Variants in PDE1A observed in about 807,000 individuals in gnomAD.
PDE1A encodes phosphodiesterase 1A.
Under a neutral mutation model 61.7 loss-of-function variants are expected in PDE1A, and 35 were observed. The ratio of observed to expected loss-of-function variants is 0.57; its 90% CI spans 0.43 to 0.75. The LOEUF (loss-of-function observed/expected upper bound fraction) is 0.75, where lower values mean the gene tolerates loss of function less well. PDE1A is among the 30% of genes least tolerant of loss of function. The pLI is 0.00. For synonymous variants in PDE1A, 232 were observed against 213.2 expected (o/e 1.09, Z -0.77); for missense variants, 597 against 630.6 (o/e 0.95, Z 0.57).
At chr2:182,582,063 A>G in the PDE1A span, among the ~76,000 whole-genome samples, 1 of 152,230 alleles carries the variant, frequency 6.6e-6, no homozygotes, top group Non-Finnish European at 1.5e-5. Context: ...TTAGCTTAAT[A>G]TTAAAAATAA....
intron 2 of PDE1A, among the ~76,000 whole-genome samples, chr2:182,516,712 GGA>G (rs1559534034): frequency 0.014 from 914 of 63,164 alleles, 6 homozygotes; most frequent in African/African-American, 0.018. Context: ...GAGGAAGGAA[GGA>G]AGGAAGGAAG....
At chr2:182,195,518 A>G (rs1170052663) in intron 10 of PDE1A, among the ~76,000 whole-genome samples, 1 of 152,120 alleles carries the variant, frequency 6.6e-6, no homozygotes, top group Non-Finnish European at 1.5e-5. Context: ...ACCAATGTAC[A>G]TAAAATACAG....
chr2:182,399,500 A>C (rs1701884527), intron 1 of PDE1A, among the ~76,000 whole-genome samples: 1 of 152,120 alleles, frequency 6.6e-6, no homozygotes, highest in African/African-American at 2.4e-5. Context: ...GGTATACATT[A>C]GTATGTAAGT....
intron 7 of PDE1A, among the ~76,000 whole-genome samples, chr2:182,212,434 C>G (rs1215890721): frequency 6.6e-6 from 1 of 152,170 alleles, no homozygotes; most frequent in Non-Finnish European, 1.5e-5. Context: ...AGAATAGGAA[C>G]AGCTCCGGTC....
At chr2:182,442,964 C>T (rs1005501710) in intron 2 of PDE1A, among the ~76,000 whole-genome samples, 1 of 151,900 alleles carries the variant, frequency 6.6e-6, no homozygotes, top group Non-Finnish European at 1.5e-5. Flanking sequence ...ACAAAACAAT[C>T]CGTAATAAAT....
chr2:182,353,226 T>C (rs1178822078), intron 1 of PDE1A, among the ~76,000 whole-genome samples: 1 of 152,212 alleles, frequency 6.6e-6, no homozygotes, highest in Non-Finnish European at 1.5e-5. Context: ...AATTGATTAT[T>C]TGGACCATCA....
At chr2:182,495,058 C>G (rs913489412) in intron 2 of PDE1A, among the ~76,000 whole-genome samples, 1 of 152,170 alleles carries the variant, frequency 6.6e-6, no homozygotes, top group Admixed American at 6.5e-5. Flanking sequence ...CACTTCCAGG[C>G]AGTCATCTTA....
At chr2:182,197,970 T>C (rs972008789) in intron 10 of PDE1A, among the ~76,000 whole-genome samples, 1 of 151,956 alleles carries the variant, frequency 6.6e-6, no homozygotes, top group African/African-American at 2.4e-5. Flanking sequence ...ATAAAGATTA[T>C]GCTAAATTTA....
chr2:182,165,516 A>G (rs1311641061), downstream of PDE1A, among the ~76,000 whole-genome samples: 1 of 152,132 alleles, frequency 6.6e-6, no homozygotes, highest in African/African-American at 2.4e-5. Flanking sequence ...TGGAATACAG[A>G]AGGTTCCTTA....
intron 2 of PDE1A, among the ~76,000 whole-genome samples, chr2:182,455,906 TAA>T (rs1685885623): frequency 6.9e-6 from 1 of 144,308 alleles, no homozygotes; most frequent in South Asian, 2.3e-4. Context: ...TAAAGTATAA[TAA>T]TAATAAACAG....
Position 182,462,345 on chromosome 2 carries a change from G to A in PDE1A, c.101+59931C>T, listed in dbSNP as rs528051984. ...CATATAAAAAAGTATATATATATAT[G>A]TATATCTTATATATATGTGTGTGTA... is the stretch of plus-strand genomic sequence containing the variant. On this transcript the variant is annotated intron_variant, in intron 2 of 14. Coordinates refer to the PDE1A transcript ENST00000410103. 3.3e-3 allele frequency among the ~76,000 whole-genome samples: 493 copies of A among 148,978 alleles called. 1 individual carries two copies. Among genetic ancestry groups the A allele is most frequent in the Middle Eastern group, 0.011 (3 of 280 alleles).
At chr2:182,531,922 T>G in the PDE1A span, among the ~76,000 whole-genome samples, 8 of 152,168 alleles carry the variant, frequency 5.3e-5, no homozygotes, top group Non-Finnish European at 8.8e-5. Flanking sequence ...ATTGTTCAAC[T>G]CCCACCTATG....
At chr2:182,521,293 A>G (rs747092076) in intron 2 of PDE1A, among the ~76,000 whole-genome samples, 12 of 152,082 alleles carry the variant, frequency 7.9e-5, no homozygotes, top group Non-Finnish European at 1.2e-4. Context: ...ATACAGCATT[A>G]GAGATATAAA....
At position 182,317,284 on chromosome 2, in the gene PDE1A, T is replaced by C. The variant is rs975758990; in HGVS notation, c.54-52870A>G. Among the ~76,000 whole-genome samples the C allele has an allele frequency of 3.9e-5, 6 of 152,088 alleles. No homozygotes were observed. The South Asian group carries it at 1.0e-3, about 26-fold the overall frequency. On this transcript the variant is annotated intron_variant, in intron 1 of 13. Transcript: ENST00000351439. ...TTTTTTTTTGAGGATAAGAGTACTA[T>C]TGGATAAAACTATGATTCATTGAGC...
chr2:182,412,736 A>G (rs538671582), intron 1 of PDE1A, among the ~76,000 whole-genome samples: 1 of 152,316 alleles, frequency 6.6e-6, no homozygotes, highest in East Asian at 1.9e-4. Context: ...CAGTTACACT[A>G]GATACAAGGT....
At chr2:182,659,368 AT>A in the PDE1A span, among the ~76,000 whole-genome samples, 1 of 152,228 alleles carries the variant, frequency 6.6e-6, no homozygotes, top group Non-Finnish European at 1.5e-5. Context: ...CCTCATAAAA[AT>A]ACAAGGAAAA....
intron 1 of PDE1A, among the ~76,000 whole-genome samples, chr2:182,365,046 G>T (rs769846302): frequency 6.6e-6 from 1 of 152,024 alleles, no homozygotes; most frequent in Non-Finnish European, 1.5e-5. Flanking sequence ...TTAAGGCAAT[G>T]CCTTCCATTA....
At chr2:182,519,390 G>A (rs1378527200) in intron 2 of PDE1A, among the ~76,000 whole-genome samples, 1 of 151,920 alleles carries the variant, frequency 6.6e-6, no homozygotes, top group East Asian at 1.9e-4. Flanking sequence ...TTGTTGTACT[G>A]AGTAACAAAT....
intron 2 of PDE1A, among the ~76,000 whole-genome samples, chr2:182,499,146 C>T (rs1384811324): frequency 7.0e-6 from 1 of 143,742 alleles, no homozygotes; most frequent in Non-Finnish European, 1.5e-5. Flanking sequence ...CACTACCATG[C>T]CAGGCTATTT....
Sources: allele counts gnomAD v4.1 joint callset (sites outside exome capture counted in the v4.1 genomes callset), GRCh38; gene constraint gnomAD v4.1.1; transcripts MANE v1.5; gene names NCBI Gene and HGNC (gene_info 2026-07-23, HGNC 2026-07-21).